FHIT: variants seen among roughly 807,000 people sequenced by gnomAD.
The protein encoded by FHIT is bis(5'-adenosyl)-triphosphatase.
In FHIT, 19 loss-of-function variants were observed where a neutral mutation model predicts 17.9. The ratio of observed to expected loss-of-function variants is 1.06; its 90% CI spans 0.74 to 1.56. FHIT has a LOEUF of 1.56. FHIT is among the 40% of genes most tolerant of loss of function. The probability of loss-of-function intolerance (pLI) is 0.00; values close to 1 mark genes in which losing one functional copy is unlikely to be tolerated. For synonymous variants in FHIT, 81 were observed against 69.7 expected (o/e 1.16, Z -0.81); for missense variants, 248 against 189.2 (o/e 1.31, Z -1.82).
chr3:60,797,735 A>AT (rs1701034523), intron 4 of FHIT, among the ~76,000 whole-genome samples: 2 of 150,444 alleles, frequency 1.3e-5, no homozygotes, highest in Non-Finnish European at 2.9e-5. Context: ...AAAACTAGAA[A>AT]TTGTTTTATT....
intron 4 of FHIT, among the ~76,000 whole-genome samples, chr3:60,803,281 A>C (rs1553732866): frequency 6.6e-6 from 1 of 152,174 alleles, no homozygotes; most frequent in African/African-American, 2.4e-5. Context: ...TTGTGTGTGC[A>C]ACATGCTTCC....
intron 5 of FHIT, among the ~76,000 whole-genome samples, chr3:60,402,679 A>G (rs1576601987): frequency 1.3e-5 from 2 of 152,320 alleles, no homozygotes; most frequent in Non-Finnish European, 2.9e-5. Context: ...TAGAAATACA[A>G]TACCATCTGT....
At chr3:61,189,613 C>G (rs1468832359) in intron 2 of FHIT, among the ~76,000 whole-genome samples, 2 of 152,130 alleles carry the variant, frequency 1.3e-5, no homozygotes. Context: ...CAAAAACGAC[C>G]CCGCATCACC....
At chr3:59,805,467 T>C (rs988298348) in intron 8 of FHIT, among the ~76,000 whole-genome samples, 20 of 152,100 alleles carry the variant, frequency 1.3e-4, no homozygotes, top group South Asian at 6.2e-4. Flanking sequence ...AAGACCCTCA[T>C]TGGAGAGGTG....
chr3:60,220,797 A>G (rs1285220794), intron 5 of FHIT, among the ~76,000 whole-genome samples: 1 of 152,210 alleles, frequency 6.6e-6, no homozygotes, highest in South Asian at 2.1e-4. Flanking sequence ...AGCACAGATT[A>G]TACATTTAGA....
intron 7 of FHIT, among the ~76,000 whole-genome samples, chr3:59,956,244 A>G (rs1432189484): frequency 2.0e-5 from 3 of 152,164 alleles, no homozygotes; most frequent in Non-Finnish European, 4.4e-5. Flanking sequence ...CTGGGTGACT[A>G]AAGACAGTCT....
intron 4 of FHIT, among the ~76,000 whole-genome samples, chr3:60,564,718 T>G (rs1172195163): frequency 1.3e-5 from 2 of 152,100 alleles, no homozygotes. Flanking sequence ...ATGATCAAAC[T>G]TGAACAGATG....
At chr3:59,956,610 G>A (rs565649342) in intron 7 of FHIT, among the ~76,000 whole-genome samples, 4 of 152,122 alleles carry the variant, frequency 2.6e-5, no homozygotes, top group Non-Finnish European at 5.9e-5. Context: ...AGAGGTTACC[G>A]TGAGCCAAGA....
intron 4 of FHIT, among the ~76,000 whole-genome samples, chr3:60,745,388 A>C (rs1347786830): frequency 1.3e-5 from 2 of 152,198 alleles, no homozygotes; most frequent in African/African-American, 4.8e-5. Context: ...ATTGGTGTGG[A>C]GAATGCAAGG....
chr3:60,651,087 A>G (rs1454969325), intron 4 of FHIT, among the ~76,000 whole-genome samples: 1 of 152,168 alleles, frequency 6.6e-6, no homozygotes, highest in Non-Finnish European at 1.5e-5. Context: ...ATAATATTCC[A>G]TGGTATAGAG....
intron 3 of FHIT, among the ~76,000 whole-genome samples, chr3:60,848,303 C>G (rs1279341841): frequency 6.6e-6 from 1 of 152,122 alleles, no homozygotes; most frequent in African/African-American, 2.4e-5. Flanking sequence ...CATTTAGAAA[C>G]TATTGAGAAC....
intron 1 of FHIT, among the ~76,000 whole-genome samples, chr3:61,202,061 CAT>C (rs2039034039): frequency 7.1e-6 from 1 of 141,568 alleles, no homozygotes; most frequent in Non-Finnish European, 1.5e-5. Flanking sequence ...TATACACGCA[CAT>C]AGATACACAC....
intron 8 of FHIT, among the ~76,000 whole-genome samples, chr3:59,820,698 C>T (rs1307669796): frequency 6.6e-6 from 1 of 152,190 alleles, no homozygotes; most frequent in African/African-American, 2.4e-5. Flanking sequence ...CACTGGGTAC[C>T]TTGCAAATGT....
intron 8 of FHIT, among the ~76,000 whole-genome samples, chr3:59,790,577 TATTG>T (rs538269351): frequency 8.5e-5 from 13 of 152,278 alleles, no homozygotes; most frequent in Admixed American, 2.0e-4. Flanking sequence ...GCATTATTGA[TATTG>T]ATTGATTGTA....
chr3:60,712,656 A>G (rs1553705465), intron 4 of FHIT, among the ~76,000 whole-genome samples: 2 of 152,016 alleles, frequency 1.3e-5, no homozygotes, highest in Non-Finnish European at 2.9e-5. Flanking sequence ...ACTTTAAACC[A>G]ACAAAGATCA....
At chr3:60,319,620 G>T (rs1709326227) in intron 5 of FHIT, among the ~76,000 whole-genome samples, 1 of 152,122 alleles carries the variant, frequency 6.6e-6, no homozygotes, top group South Asian at 2.1e-4. Context: ...ACAGAAATTT[G>T]TCTCATGAGC....
rs1445355676 is a variant in FHIT at position 60,431,516 on chromosome 3, C to G, written c.103+105344G>C. ...ACTATCTCCCCACCTCCCACACATACTTGAAAGGGAACTAATGTTTATGCT... is the reference window on the plus strand; with the variant it reads ...ACTATCTCCCCACCTCCCACACATAGTTGAAAGGGAACTAATGTTTATGCT... On this transcript the variant is annotated intron_variant, in intron 5 of 9. Transcript: ENST00000492590. 2.0e-5 allele frequency among the ~76,000 whole-genome samples: 3 copies of G among 152,056 alleles called. No individual in the cohort carries two copies. The East Asian group carries it at 5.8e-4, about 29-fold the overall frequency.
At chr3:59,772,314 G>C (rs1702109450) in intron 8 of FHIT, among the ~76,000 whole-genome samples, 1 of 152,318 alleles carries the variant, frequency 6.6e-6, no homozygotes, top group South Asian at 2.1e-4. Context: ...CACGCTATTA[G>C]GCAGAAATCA....
intron 4 of FHIT, among the ~76,000 whole-genome samples, chr3:60,709,469 T>C (rs1234522575): frequency 6.6e-6 from 1 of 152,220 alleles, no homozygotes; most frequent in Admixed American, 6.5e-5. Context: ...TAAAAGTTAC[T>C]TGCAGAGTAG....
Sources: gnomAD v4.1 joint callset for allele counts (sites outside exome capture counted in the v4.1 genomes callset) on GRCh38, gnomAD v4.1.1 for gene constraint, MANE v1.5 for transcripts, NCBI Gene and HGNC (gene_info 2026-07-23, HGNC 2026-07-21) for gene names.